FAM114A2: variants seen among roughly 807,000 people sequenced by gnomAD.
The protein encoded by FAM114A2 is protein FAM114A2.
Under a neutral mutation model 58.4 loss-of-function variants are expected in FAM114A2, and 53 were observed. The observed-to-expected ratio is 0.91, with a 90% CI of 0.73 to 1.14. The LOEUF (loss-of-function observed/expected upper bound fraction) is 1.14. FAM114A2 is among the 50% of genes most tolerant of loss of function. FAM114A2 has a pLI of 0.00. For missense variants in FAM114A2, 601 were observed against 581.1 expected, an observed-to-expected ratio of 1.03 and a Z score of -0.35; for synonymous variants, 228 against 211.4, an observed-to-expected ratio of 1.08 and a Z score of -0.68.
At chr5:153,999,236 C>T (rs1007015297) in intron 11 of FAM114A2, among the ~76,000 whole-genome samples, 84 of 152,016 alleles carry the variant, frequency 5.5e-4, no homozygotes, top group South Asian at 2.1e-4. Flanking sequence ...AACAGATACA[C>T]GAAAAAATGC....
chr5:154,015,184 C>T (rs751443573), intron 8 of FAM114A2, among the ~76,000 whole-genome samples: 7 of 152,306 alleles, frequency 4.6e-5, no homozygotes, highest in Non-Finnish European at 8.8e-5. Context: ...TAACCCTGCC[C>T]TTCCCACCCT....
chr5:154,033,687 C>T (rs990026680), intron 4 of FAM114A2, 104 bp downstream of exon 4: 11 of 681,832 alleles, frequency 1.6e-5, no homozygotes, highest in Admixed American at 8.3e-5. Flanking sequence ...TACAGTCCCA[C>T]GATGCCCTGA....
At chr5:154,018,365 A>G (rs1295864160) in intron 8 of FAM114A2, among the ~76,000 whole-genome samples, 2 of 152,200 alleles carry the variant, frequency 1.3e-5, no homozygotes, top group Non-Finnish European at 1.5e-5. Context: ...ATCAGGAAGA[A>G]TTAGATACCC....
intron 12 of FAM114A2, 62 bp downstream of exon 12, chr5:153,997,741 G>T: frequency 2.0e-6 from 2 of 1,010,022 alleles, no homozygotes; most frequent in South Asian, 1.4e-5. Context: ...CAAATTTTAT[G>T]ATATTTAAAC....
At chr5:154,022,522 G>A (rs184313833) in intron 8 of FAM114A2, among the ~76,000 whole-genome samples, 2 of 152,270 alleles carry the variant, frequency 1.3e-5, no homozygotes, top group Admixed American at 6.5e-5. Context: ...GCAGCCAATA[G>A]ACACGTGAAA....
intron 6 of FAM114A2, 91 bp from the exon 7 acceptor site, chr5:154,027,425 T>C (rs945196083): frequency 3.5e-6 from 4 of 1,136,262 alleles, no homozygotes; most frequent in Non-Finnish European, 4.9e-6. Flanking sequence ...TTAGACAGGT[T>C]AGAGTACAGA....
chr5:154,013,844 T>C (rs570548043), intron 8 of FAM114A2, among the ~76,000 whole-genome samples: 1 of 152,264 alleles, frequency 6.6e-6, no homozygotes, highest in African/African-American at 2.4e-5. Flanking sequence ...TATTTATTTA[T>C]GCCCTCCTAA....
chr5:154,008,657 T>C (rs1330869079), intron 9 of FAM114A2, among the ~76,000 whole-genome samples: 2 of 150,648 alleles, frequency 1.3e-5, no homozygotes, highest in Non-Finnish European at 2.9e-5. Flanking sequence ...ACCCTCAAGA[T>C]ACAGCACTAT....
chr5:154,027,981 T>C (rs974290142), intron 6 of FAM114A2, among the ~76,000 whole-genome samples, 168 bp downstream of exon 6: 10 of 152,156 alleles, frequency 6.6e-5, no homozygotes, highest in Non-Finnish European at 1.3e-4. Context: ...CTGGGTATTT[T>C]TGTAAGCAGT....
intron 11 of FAM114A2, among the ~76,000 whole-genome samples, chr5:154,000,663 C>T (rs1310669628): frequency 6.6e-6 from 1 of 152,074 alleles, no homozygotes; most frequent in Non-Finnish European, 1.5e-5. Context: ...CTAAATCAGC[C>T]ACCTGAGGTA....
intron 4 of FAM114A2, among the ~76,000 whole-genome samples, chr5:154,031,293 C>T (rs189799651): frequency 3.7e-5 from 5 of 135,520 alleles, no homozygotes; most frequent in Non-Finnish European, 7.7e-5. Context: ...GCCTGGGCGA[C>T]AGAGTGAGAC....
At chr5:154,034,660 T>C (rs1772424702) in intron 2 of FAM114A2, 84 bp downstream of exon 2, 3 of 991,450 alleles carry the variant, frequency 3.0e-6, no homozygotes, top group Non-Finnish European at 4.7e-6. Flanking sequence ...TAAATTGGTA[T>C]TTATGCCAAA....
At position 153,993,027 on chromosome 5, in the gene FAM114A2, A is replaced by G. The variant is rs1769330448; in HGVS notation, c.1467T>C (p.Ile489=). ...CCTGCAGCTCATGTCTGTGTGATTC[A>G]ATCTTGTTCTCAATGAGAGAGATCT... is the stretch of plus-strand genomic sequence containing the variant. ...VLEISLIENK[I]ESHRHELQGQ... The change falls in exon 14 of 14, where the codon ATT becomes ATC. Residue 489 remains isoleucine (I), a synonymous_variant. Transcript: ENST00000351797. 6.2e-7 allele frequency: 1 copy of G among 1,613,494 alleles called. No homozygotes were observed. The highest frequency in any genetic ancestry group is 1.7e-5 in the Admixed American group (1 of 59,998).
intron 10 of FAM114A2, 110 bp from the exon 11 acceptor site, chr5:154,002,500 C>G (rs778342546): frequency 8.6e-7 from 1 of 1,162,038 alleles, no homozygotes; most frequent in Non-Finnish European, 1.2e-6. Flanking sequence ...TAGTTGCCTT[C>G]CAATAAAGAG....
intron 4 of FAM114A2, among the ~76,000 whole-genome samples, chr5:154,029,891 A>G (rs1279376533): frequency 6.6e-6 from 1 of 152,208 alleles, no homozygotes; most frequent in Non-Finnish European, 1.5e-5. Flanking sequence ...CAGAAAACAG[A>G]TCAGTAATTG....
At chr5:153,999,632 C>CAAA (rs982121320) in intron 11 of FAM114A2, among the ~76,000 whole-genome samples, 1 of 71,654 alleles carries the variant, frequency 1.4e-5, no homozygotes, top group Non-Finnish European at 2.8e-5. Context: ...GACTCCATCT[C>CAAA]AAAAAAAAAA....
At chr5:153,994,408 G>A (rs1384307008) in intron 13 of FAM114A2, among the ~76,000 whole-genome samples, 1 of 152,124 alleles carries the variant, frequency 6.6e-6, no homozygotes. Flanking sequence ...TCAGTCACAG[G>A]ATCCTCTTTT....
At chr5:154,032,907 T>C (rs1210874387) in intron 4 of FAM114A2, among the ~76,000 whole-genome samples, 1 of 152,148 alleles carries the variant, frequency 6.6e-6, no homozygotes, top group African/African-American at 2.4e-5. Flanking sequence ...CATTCACACA[T>C]GCTGTTACTT....
At chr5:154,002,752 C>T (rs980020501) in intron 10 of FAM114A2, 95 bp downstream of exon 10, 21 of 1,218,802 alleles carry the variant, frequency 1.7e-5, no homozygotes, top group African/African-American at 9.1e-5. Flanking sequence ...GTTGAAATTA[C>T]GGACAGCAGT....
Sources: gnomAD v4.1 joint callset for allele counts (sites outside exome capture counted in the v4.1 genomes callset) on GRCh38, gnomAD v4.1.1 for gene constraint, MANE v1.5 for transcripts, NCBI Gene and HGNC (gene_info 2026-07-23, HGNC 2026-07-21) for gene names.